CR1: variants seen among roughly 807,000 people sequenced by gnomAD.
CR1 encodes complement C3b/C4b receptor 1 (Knops blood group).
In CR1, 116 loss-of-function variants were observed where a neutral mutation model predicts 187.3. That is an observed-to-expected ratio of 0.62 (90% CI 0.53 to 0.72). CR1 has a LOEUF of 0.72. Ranked by LOEUF, CR1 falls within the 30% of genes least tolerant of loss-of-function variation. The pLI is 0.00. For missense variants in CR1, 1,731 were observed against 2,110.7 expected (o/e 0.82, Z 3.52); for synonymous variants, 576 against 747.1 (o/e 0.77, Z 3.73).
At chr1:207,631,349 T>C (rs1196158616) in intron 46 of CR1, among the ~76,000 whole-genome samples, 1 of 152,146 alleles carries the variant, frequency 6.6e-6, no homozygotes, top group African/African-American at 2.4e-5. Context: ...TGAATAAAGT[T>C]TTACTGGGGC....
intron 35 of CR1, among the ~76,000 whole-genome samples, chr1:207,593,324 C>A (rs1345926283): frequency 6.6e-6 from 1 of 152,166 alleles, no homozygotes; most frequent in Non-Finnish European, 1.5e-5. Flanking sequence ...ACCATCTGAT[C>A]TTTGATGAAC....
chr1:207,605,061 C>G (rs1023661527), intron 35 of CR1, among the ~76,000 whole-genome samples: 4 of 151,980 alleles, frequency 2.6e-5, no homozygotes, highest in African/African-American at 9.7e-5. Context: ...AAGTTAGAAA[C>G]TAGGCTGGGC....
intron 4 of CR1, among the ~76,000 whole-genome samples, chr1:207,519,808 T>C (rs1659919253): frequency 6.9e-6 from 1 of 145,860 alleles, no homozygotes; most frequent in Non-Finnish European, 1.5e-5. Context: ...AGAAGTGAGG[T>C]ACAGAAACAG....
chr1:207,500,579 C>G (rs1006038858), intron 1 of CR1, among the ~76,000 whole-genome samples: 2 of 152,128 alleles, frequency 1.3e-5, no homozygotes, highest in East Asian at 1.9e-4. Flanking sequence ...AATGAGATAA[C>G]AATACATACC....
At chr1:207,500,684 A>T (rs1401552988) in intron 1 of CR1, among the ~76,000 whole-genome samples, 1 of 152,246 alleles carries the variant, frequency 6.6e-6, no homozygotes, top group Non-Finnish European at 1.5e-5. Context: ...TTTGGCAGGT[A>T]AAATTATAAC....
chr1:207,582,027 A>G, intron 32 of CR1, 24 bp downstream of exon 32: 3 of 1,542,782 alleles, frequency 1.9e-6, no homozygotes, highest in Middle Eastern at 1.7e-4. Context: ...ATACTTGTTC[A>G]GTCTGGATCT....
chr1:207,589,989 T>G (rs1661224758), intron 35 of CR1, among the ~76,000 whole-genome samples: 1 of 151,386 alleles, frequency 6.6e-6, no homozygotes, highest in African/African-American at 2.5e-5. Context: ...TTGATTGGTG[T>G]ACCTGAAAGT....
chr1:207,510,974 A>G (rs906025359), intron 3 of CR1, among the ~76,000 whole-genome samples: 1 of 151,910 alleles, frequency 6.6e-6, no homozygotes, highest in Admixed American at 6.6e-5. Context: ...GGAATGTGCC[A>G]CCACGCCTGG....
chr1:207,604,674 A>C (rs1207166345), intron 35 of CR1, among the ~76,000 whole-genome samples: 1 of 152,212 alleles, frequency 6.6e-6, no homozygotes, highest in Non-Finnish European at 1.5e-5. Flanking sequence ...CTATTCCTGC[A>C]TCATTTCAAT....
chr1:207,499,743 G>A (rs1344842183), intron 1 of CR1, among the ~76,000 whole-genome samples: 1 of 152,168 alleles, frequency 6.6e-6, no homozygotes, highest in East Asian at 1.9e-4. Context: ...CTAGGTAAAG[G>A]TGCAAGATAG....
In CR1 at chr1:207,575,658, C is replaced by T. The variant is rs371375308; in HGVS notation, c.4515C>T (p.Ser1505=). Residue 1505 remains serine (S), a synonymous_variant, in exon 28 of 47, where the codon AGC becomes AGT. Coordinates refer to ENST00000367049, the MANE Select transcript of CR1 (RefSeq NM_000651.6). ...TCTCAGGCAATACTGCCCATTGGAG[C>T]ACGAAGCCGCCAATTTGTCAACGTG... ...CILSGNTAHW[S]TKPPICQRIP... is the part of the protein sequence containing the mutation. 2.2e-5 allele frequency: 35 copies of T among 1,611,714 alleles called. No individual in the cohort carries two copies. The African/African-American group carries it at 4.4e-4, about 20-fold the overall frequency.
chr1:207,614,555 G>A (rs55812169), intron 40 of CR1, 66 bp downstream of exon 40: 115 of 1,257,326 alleles, frequency 9.1e-5, no homozygotes, highest in East Asian at 8.8e-4. Flanking sequence ...ATGTTTTTCC[G>A]CATGGCATCA....
intron 29 of CR1, among the ~76,000 whole-genome samples, chr1:207,579,581 T>C (rs951011792): frequency 6.6e-6 from 1 of 152,180 alleles, no homozygotes; most frequent in Admixed American, 6.5e-5. Context: ...GGCAACGACC[T>C]AGAAGTTACC....
chr1:207,515,155 ACATATACATATATAGG>A (rs1659755538), intron 4 of CR1, among the ~76,000 whole-genome samples: 1 of 88,032 alleles, frequency 1.1e-5, no homozygotes, highest in Non-Finnish European at 2.3e-5. Flanking sequence ...ACGTATATAT[ACATATACATATATAGG>A]TATATACATA....
At chr1:207,617,311 A>G (rs567588042) in intron 41 of CR1, among the ~76,000 whole-genome samples, 1 of 151,016 alleles carries the variant, frequency 6.6e-6, no homozygotes, top group South Asian at 2.1e-4. Flanking sequence ...CAAGCCACTG[A>G]CTATGTTTGT....
chr1:207,512,615 G>C (rs369357410), intron 4 of CR1, among the ~76,000 whole-genome samples: 73 of 152,240 alleles, frequency 4.8e-4, no homozygotes, highest in African/African-American at 1.7e-3. Flanking sequence ...TTACTAGAAA[G>C]TTTAAGAGCT....
At chr1:207,591,122 C>T (rs1661257828) in intron 35 of CR1, among the ~76,000 whole-genome samples, 1 of 152,164 alleles carries the variant, frequency 6.6e-6, no homozygotes, top group South Asian at 2.1e-4. Flanking sequence ...ATCTATAGAA[C>T]TCTCCACCCC....
At chr1:207,595,226 C>T (rs1044475699) in intron 35 of CR1, among the ~76,000 whole-genome samples, 1 of 149,682 alleles carries the variant, frequency 6.7e-6, no homozygotes, top group African/African-American at 2.5e-5. Flanking sequence ...TGAAATGACA[C>T]ATATATACAC....
intron 35 of CR1, 145 bp from the exon 36 acceptor site, chr1:207,607,106 A>T (rs767213130): frequency 1.8e-6 from 1 of 555,074 alleles, no homozygotes; most frequent in Non-Finnish European, 3.3e-6. Context: ...TAATTTGCAG[A>T]TGGAGATGGG....
Sources: allele counts gnomAD v4.1 joint callset (sites outside exome capture counted in the v4.1 genomes callset), GRCh38; gene constraint gnomAD v4.1.1; transcripts MANE v1.5; gene names NCBI Gene and HGNC (gene_info 2026-07-23, HGNC 2026-07-21).